Variants in EYS observed in about 807,000 individuals in gnomAD.
The protein encoded by EYS is EGF-like photoreceptor maintenance factor.
EYS carries 250 observed loss-of-function variants against 282.1 expected under a neutral mutation model. That is an observed-to-expected ratio of 0.89 (90% CI 0.80 to 0.98). The LOEUF is 0.98. Ranked by LOEUF, EYS falls within the 50% of genes least tolerant of loss-of-function variation. The probability of loss-of-function intolerance (pLI) is 0.00; values close to 1 mark genes in which losing one functional copy is unlikely to be tolerated. For synonymous variants in EYS, 1,355 were observed against 1,282.9 expected, an observed-to-expected ratio of 1.06 and a Z score of -1.20; for missense variants, 4,016 against 3,709.0, an observed-to-expected ratio of 1.08 and a Z score of -2.15.
intron 1 of EYS, among the ~76,000 whole-genome samples, chr6:65,673,912 C>T (rs1768486154): frequency 6.6e-6 from 1 of 151,876 alleles, no homozygotes; most frequent in Non-Finnish European, 1.5e-5. Flanking sequence ...AGTCAATTTG[C>T]CAGTCCTGGG....
At chr6:64,836,514 A>G (rs977756519) in intron 19 of EYS, among the ~76,000 whole-genome samples, 1 of 151,558 alleles carries the variant, frequency 6.6e-6, no homozygotes, top group African/African-American at 2.4e-5. Flanking sequence ...TTCATGTCAA[A>G]TGAGTATTTT....
intron 31 of EYS, among the ~76,000 whole-genome samples, chr6:64,099,141 A>G (rs553593534): frequency 3.9e-5 from 6 of 152,296 alleles, no homozygotes; most frequent in African/African-American, 7.2e-5. Context: ...ATTGAATTCA[A>G]TGGCTCATTA....
At chr6:64,005,075 C>T (rs1768280002) in intron 33 of EYS, among the ~76,000 whole-genome samples, 2 of 152,270 alleles carry the variant, frequency 1.3e-5, no homozygotes, top group Admixed American at 6.5e-5. Context: ...ACTTACATTC[C>T]CTGCAGCAGT....
At chr6:63,734,737 G>A (rs1028518599) in intron 41 of EYS, among the ~76,000 whole-genome samples, 2 of 152,068 alleles carry the variant, frequency 1.3e-5, no homozygotes, top group Non-Finnish European at 2.9e-5. Flanking sequence ...GGAGAAGCAG[G>A]TATTTTGGAG....
intron 35 of EYS, among the ~76,000 whole-genome samples, chr6:63,953,896 TG>T (rs879737565): frequency 6.6e-6 from 1 of 152,190 alleles, no homozygotes; most frequent in Non-Finnish European, 1.5e-5. Context: ...CTCATGTCTG[TG>T]TGTGGTGGCT....
chr6:65,145,491 G>A (rs191849137), intron 12 of EYS, among the ~76,000 whole-genome samples: 16 of 150,948 alleles, frequency 1.1e-4, no homozygotes, highest in Admixed American at 7.9e-4. Flanking sequence ...TTTTAGTCCA[G>A]GTCTGTCAGA....
chr6:65,644,427 C>G (rs1318586382), intron 1 of EYS, among the ~76,000 whole-genome samples: 3 of 152,144 alleles, frequency 2.0e-5, no homozygotes, highest in Non-Finnish European at 4.4e-5. Context: ...GTTAAGCATT[C>G]AAACCTAAGA....
At chr6:65,372,919 T>C (rs1765217433) in intron 8 of EYS, among the ~76,000 whole-genome samples, 1 of 152,100 alleles carries the variant, frequency 6.6e-6, no homozygotes, top group Non-Finnish European at 1.5e-5. Context: ...ATCTTAATGT[T>C]ACTATGAAGA....
chr6:64,246,184 T>G (rs1767014965), intron 30 of EYS, among the ~76,000 whole-genome samples: 3 of 151,818 alleles, frequency 2.0e-5, no homozygotes, highest in Admixed American at 2.0e-4. Context: ...ATCCTTTTTT[T>G]TTTTCCCTCT....
chr6:64,629,002 A>G (rs527973408), intron 22 of EYS, among the ~76,000 whole-genome samples: 5 of 152,234 alleles, frequency 3.3e-5, no homozygotes, highest in African/African-American at 1.2e-4. Context: ...GTATTATTGC[A>G]GTTTCTTTAG....
intron 37 of EYS, among the ~76,000 whole-genome samples, chr6:63,799,647 A>C (rs1372533839): frequency 6.6e-6 from 1 of 152,252 alleles, no homozygotes; most frequent in African/African-American, 2.4e-5. Flanking sequence ...TTGTTGAGGG[A>C]CAAGATTAAG....
chr6:64,557,375 T>C (rs1339561691), intron 26 of EYS, among the ~76,000 whole-genome samples: 1 of 152,054 alleles, frequency 6.6e-6, no homozygotes, highest in Non-Finnish European at 1.5e-5. Context: ...AAGATTTATT[T>C]GGTTCTTTTC....
intron 29 of EYS, among the ~76,000 whole-genome samples, chr6:64,331,510 G>A (rs1458675535): frequency 6.6e-5 from 10 of 152,082 alleles, no homozygotes; most frequent in South Asian, 6.2e-4. Flanking sequence ...CTCCTCTAAT[G>A]AAAAGGCATT....
intron 12 of EYS, among the ~76,000 whole-genome samples, chr6:65,290,423 T>C (rs1486344457): frequency 6.6e-6 from 1 of 151,240 alleles, no homozygotes; most frequent in Non-Finnish European, 1.5e-5. Flanking sequence ...CATGTTTTAT[T>C]AGTTTTTGAT....
Position 64,393,886 on chromosome 6 carries a change from T to C in EYS, c.5928-5046A>G, listed in dbSNP as rs976699968. Among the ~76,000 whole-genome samples the C allele has an allele frequency of 3.9e-5, 6 of 151,900 alleles. No individual in the cohort carries two copies. The East Asian group carries it at 5.8e-4, about 15-fold the overall frequency. ...ATGATTGTATATCTAGAAAACCCCA[T>C]TGTCTCAGCCCAAAATCTCCTTAAG... On this transcript the variant is annotated intron_variant, in intron 28 of 42. Transcript: ENST00000503581.
intron 12 of EYS, among the ~76,000 whole-genome samples, chr6:65,266,624 G>T (rs555335421): frequency 1.4e-4 from 21 of 151,756 alleles, no homozygotes; most frequent in Admixed American, 1.4e-3. Flanking sequence ...TTTTATTGAG[G>T]ATTTTTGCAT....
chr6:64,918,619 A>T (rs1333862048), intron 15 of EYS, among the ~76,000 whole-genome samples: 2 of 152,180 alleles, frequency 1.3e-5, no homozygotes. Context: ...AAAGTACATC[A>T]AATTTGAGAT....
chr6:64,583,388 A>G (rs1766135280), intron 26 of EYS, among the ~76,000 whole-genome samples: 1 of 152,150 alleles, frequency 6.6e-6, no homozygotes, highest in Non-Finnish European at 1.5e-5. Context: ...TACAGCTCAT[A>G]TTTGAACACT....
At chr6:64,000,320 T>G (rs1398373300) in intron 33 of EYS, among the ~76,000 whole-genome samples, 1 of 150,416 alleles carries the variant, frequency 6.6e-6, no homozygotes, top group African/African-American at 2.4e-5. Flanking sequence ...GCCTCCCGAG[T>G]AGCTGGGACT....
Sources: allele counts gnomAD v4.1 joint callset (sites outside exome capture counted in the v4.1 genomes callset), GRCh38; gene constraint gnomAD v4.1.1; transcripts MANE v1.5; gene names NCBI Gene and HGNC (gene_info 2026-07-23, HGNC 2026-07-21).